CLIP2: variants seen among roughly 807,000 people sequenced by gnomAD.
CLIP2 encodes CAP-Gly domain-containing linker protein 2.
In CLIP2, 41 loss-of-function variants were observed where a neutral mutation model predicts 111.7. That is an observed-to-expected ratio of 0.37 (90% CI 0.29 to 0.48). CLIP2 has a LOEUF of 0.48. Among genes scored for constraint, CLIP2 ranks in the 20% least tolerant of loss-of-function variants. The pLI is 0.99. For synonymous variants in CLIP2, 660 were observed against 644.2 expected, an observed-to-expected ratio of 1.02 and a Z score of -0.37; for missense variants, 1,160 against 1,422.1, an observed-to-expected ratio of 0.82 and a Z score of 2.96.
At chr7:74,291,776 C>T (rs1256245796) in intron 1 of CLIP2, among the ~76,000 whole-genome samples, 1 of 152,160 alleles carries the variant, frequency 6.6e-6, no homozygotes, top group African/African-American at 2.4e-5. Flanking sequence ...CCTCCCTGGT[C>T]CTGCCTCCCT....
chr7:74,390,219 A>AAGAAAG (rs1791259488), intron 13 of CLIP2, among the ~76,000 whole-genome samples: 1 of 61,028 alleles, frequency 1.6e-5, no homozygotes, highest in South Asian at 5.6e-4. Context: ...GAAAGAAAGA[A>AAGAAAG]AGAAAGGATT....
intron 13 of CLIP2, among the ~76,000 whole-genome samples, chr7:74,391,176 A>T (rs2116694486): frequency 6.6e-6 from 1 of 152,262 alleles, no homozygotes; most frequent in Non-Finnish European, 1.5e-5. Flanking sequence ...ATCTTTTTCC[A>T]TGTTCCATCT....
At chr7:74,401,380 C>T (rs1791613755) in intron 15 of CLIP2, 125 bp from the exon 16 acceptor site, 2 of 852,774 alleles carry the variant, frequency 2.3e-6, no homozygotes. Flanking sequence ...TGCTGGGAGC[C>T]CCAGGCTGAA....
At chr7:74,315,719 C>T (rs1168067836) in intron 1 of CLIP2, among the ~76,000 whole-genome samples, 2 of 151,818 alleles carry the variant, frequency 1.3e-5, no homozygotes, top group African/African-American at 2.4e-5. Context: ...TACAGGTGCC[C>T]GCCAACATGC....
At chr7:74,309,295 A>G (rs782777489) in intron 1 of CLIP2, among the ~76,000 whole-genome samples, 18 of 150,280 alleles carry the variant, frequency 1.2e-4, no homozygotes, top group Non-Finnish European at 2.1e-4. Flanking sequence ...AGCCAACATG[A>G]TGAAACCCCG....
rs146084805 is a variant in CLIP2 at position 74,357,067 on chromosome 7, G to A, written c.1018-213G>A. The stretch of plus-strand genomic sequence containing the variant: ...CAGGAGCTGACTCTCCTGAGATGGG[G>A]AGTTTCCTGAATCTCAAACATCAAG... On this transcript the variant is annotated intron_variant, in intron 5 of 16. Transcript: ENST00000223398. Among the ~76,000 whole-genome samples the A allele has an allele frequency of 2.2e-3, 342 of 152,254 alleles. 2 individuals are homozygous for A. Among genetic ancestry groups the A allele is most frequent in the African/African-American group, 7.7e-3 (322 of 41,554 alleles).
chr7:74,297,331 T>G (rs1788198810), intron 1 of CLIP2, among the ~76,000 whole-genome samples: 1 of 151,646 alleles, frequency 6.6e-6, no homozygotes, highest in Non-Finnish European at 1.5e-5. Context: ...AAGAAATAAC[T>G]GGGCTTGGTG....
At position 74,353,545 on chromosome 7, in the gene CLIP2, C is replaced by T. The variant is rs557622905; in HGVS notation, c.679-335C>T. Among the ~76,000 whole-genome samples the T allele has an allele frequency of 2.0e-5, 3 of 152,244 alleles. No homozygotes were observed. The South Asian group carries it at 6.2e-4, about 32-fold the overall frequency. ...GGATTACAGGCATGAGCCACCATGCCCAGCCCCGAAAACCCTTTTACAGAT... is the reference window on the plus strand; with the variant it reads ...GGATTACAGGCATGAGCCACCATGCTCAGCCCCGAAAACCCTTTTACAGAT... On this transcript the variant is annotated intron_variant, in intron 3 of 16. Coordinates refer to ENST00000223398, the MANE Select transcript of CLIP2 (RefSeq NM_003388.5).
rs1263354355 is a variant in CLIP2 at position 74,397,668 on chromosome 7, T to G, written c.2880+435T>G. Among the ~76,000 whole-genome samples, 246 of 140,350 alleles carry G rather than the reference T, an allele frequency of 1.8e-3. 1 individual carries two copies. Among genetic ancestry groups the G allele is most frequent in the Non-Finnish European group, 2.0e-3 (131 of 64,502 alleles). The allele number at this position is 140,350 out of a possible 152,430, so 92.1% of individuals were successfully genotyped here. Reference sequence around the variant, plus strand: ...TTCTGGGTGGCTGAGTTTTTTTTGTTTTTTTTTTTTTTTTTTGAGACAGAG... The same window carrying G: ...TTCTGGGTGGCTGAGTTTTTTTTGTGTTTTTTTTTTTTTTTTGAGACAGAG... On this transcript the variant is annotated intron_variant, in intron 14 of 16. Transcript: ENST00000223398.
chr7:74,372,459 G>A (rs1790656098), intron 8 of CLIP2, among the ~76,000 whole-genome samples: 1 of 149,388 alleles, frequency 6.7e-6, no homozygotes, highest in African/African-American at 2.5e-5. Context: ...TCCTCATCCT[G>A]TGGGTCTCCT....
intron 2 of CLIP2, among the ~76,000 whole-genome samples, chr7:74,330,678 A>G (rs1015038327): frequency 6.6e-6 from 1 of 152,184 alleles, no homozygotes; most frequent in Non-Finnish European, 1.5e-5. Context: ...CAAGAATCAC[A>G]TCATAAACAC....
intron 2 of CLIP2, among the ~76,000 whole-genome samples, chr7:74,334,225 G>T (rs1789383276): frequency 6.6e-6 from 1 of 152,206 alleles, no homozygotes; most frequent in Non-Finnish European, 1.5e-5. Flanking sequence ...CAGCGTGCAT[G>T]GAATTTGATG....
intron 1 of CLIP2, among the ~76,000 whole-genome samples, chr7:74,297,246 G>T (rs1000609289): frequency 6.6e-6 from 1 of 152,184 alleles, no homozygotes; most frequent in African/African-American, 2.4e-5. Context: ...GCCAAGGCAG[G>T]AGGATTGCTT....
intron 3 of CLIP2, among the ~76,000 whole-genome samples, chr7:74,349,474 A>ATATATATATATATATATG: frequency 1.1e-5 from 1 of 90,144 alleles, no homozygotes; most frequent in South Asian, 3.8e-4. Context: ...GTGTGTGTAT[A>ATATATATATATATATATG]TATATATATA....
chr7:74,319,663 T>A (rs186826912), intron 2 of CLIP2, among the ~76,000 whole-genome samples: 31 of 151,388 alleles, frequency 2.0e-4, no homozygotes, highest in Admixed American at 7.3e-4. Flanking sequence ...ACAAAAAAAA[T>A]TTTTTTAATT....
chr7:74,365,053 C>CTGTGTGTGTGTG (rs1790442624), intron 8 of CLIP2, among the ~76,000 whole-genome samples: 1 of 92,342 alleles, frequency 1.1e-5, no homozygotes, highest in South Asian at 3.6e-4. Flanking sequence ...GTGTGTGTGA[C>CTGTGTGTGTGTG]TGTCTCAAAA....
intron 7 of CLIP2, 51 bp from the exon 8 acceptor site, chr7:74,364,204 C>G: frequency 6.5e-7 from 1 of 1,543,740 alleles, no homozygotes; most frequent in Non-Finnish European, 8.9e-7. Flanking sequence ...TTCGGTGAAT[C>G]CCGTTGCTCT....
At chr7:74,328,901 GTAT>G (rs1458516873) in intron 2 of CLIP2, among the ~76,000 whole-genome samples, 2 of 150,148 alleles carry the variant, frequency 1.3e-5, no homozygotes, top group Admixed American at 6.7e-5. Context: ...GCTAATTTTT[GTAT>G]TATTATTTAT....
At chr7:74,290,113 G>A (rs782118755) in intron 1 of CLIP2, among the ~76,000 whole-genome samples, 5 of 152,230 alleles carry the variant, frequency 3.3e-5, no homozygotes, top group Non-Finnish European at 5.9e-5. Flanking sequence ...AAGACGGCTG[G>A]ACGCGCCGCA....
Sources: gnomAD v4.1 joint callset for allele counts (sites outside exome capture counted in the v4.1 genomes callset) on GRCh38, gnomAD v4.1.1 for gene constraint, MANE v1.5 for transcripts, NCBI Gene and HGNC (gene_info 2026-07-23, HGNC 2026-07-21) for gene names.